Variants in ECSIT observed in about 807,000 individuals in gnomAD.
The protein encoded by ECSIT is evolutionarily conserved signaling intermediate in Toll pathway, mitochondrial.
Under a neutral mutation model 36.8 loss-of-function variants are expected in ECSIT, and 29 were observed. That is an observed-to-expected ratio of 0.79 (90% confidence interval 0.59 to 1.08). The LOEUF (loss-of-function observed/expected upper bound fraction) is 1.08. Among genes scored for constraint, ECSIT ranks in the 50% least tolerant of loss-of-function variants. ECSIT has a pLI of 0.00. For missense variants in ECSIT, 542 were observed against 581.0 expected, an observed-to-expected ratio of 0.93 and a Z score of 0.69; for synonymous variants, 231 against 234.8, an observed-to-expected ratio of 0.98 and a Z score of 0.15.
chr19:11,513,894 G>C lies in ECSIT; in HGVS notation c.424C>G (p.Arg142Gly), dbSNP rs140346109. 3 of 1,614,186 alleles carry C rather than the reference G, an allele frequency of 1.9e-6. No homozygotes were observed. The highest frequency in any genetic ancestry group is 4.5e-5 in the East Asian group (2 of 44,886). Reference protein sequence around the residue: ...LLNIFPKEVFRPRNIIQRIFV... With the variant: ...LLNIFPKEVFGPRNIIQRIFV... ...ATGCGCTGGATGATGTTGCGAGGCCGGAAGACCTCCTTGGGGAAGATGTTG... is the reference window on the plus strand; with the variant it reads ...ATGCGCTGGATGATGTTGCGAGGCCCGAAGACCTCCTTGGGGAAGATGTTG... Residue 142 changes from arginine to glycine, a missense_variant, in exon 3 of 8, where the codon CGG becomes GGG. Physicochemically the swap from Arg to Gly is moderately radical, Grantham distance 125. Transcript: ENST00000270517.
At chr19:11,523,317 TTA>T (rs1012643418) in intron 1 of ECSIT, 858 of 259,132 alleles carry the variant, frequency 3.3e-3, no homozygotes, top group East Asian at 5.0e-3. Context: ...GATTATAGTA[TTA>T]TATATATATA....
chr19:11,509,379 G>C (rs115594321), intron 4 of ECSIT, among the ~76,000 whole-genome samples: 157 of 145,184 alleles, frequency 1.1e-3, no homozygotes, highest in African/African-American at 3.7e-3. Flanking sequence ...CGCTGACAAA[G>C]TTTTTTTTTT....
In ECSIT at chr19:11,511,120, C is replaced by T. The variant is rs192314754; in HGVS notation, c.738+1936G>A. On this transcript the variant is annotated intron_variant, in intron 4 of 7. Coordinates refer to ENST00000270517, the MANE Select transcript of ECSIT (RefSeq NM_016581.5). ...TGCCCACTCGGCTCCCACAGCACCC[C>T]GGGCTTCTCCATCTCAGAACCACTG... 3.6e-3 allele frequency among the ~76,000 whole-genome samples: 544 copies of T among 152,242 alleles called. 4 individuals are homozygous for T. The highest frequency in any genetic ancestry group is 0.013 in the African/African-American group (523 of 41,524).
In ECSIT at chr19:11,513,095, G is replaced by A. The variant is rs1971905226; in HGVS notation, c.699C>T (p.His233=). 1.2e-6 allele frequency: 2 copies of A among 1,614,242 alleles called. No individual in the cohort carries two copies. The highest frequency in any genetic ancestry group is 1.7e-6 in the Non-Finnish European group (2 of 1,180,046). The change falls in exon 4 of 8, where the codon CAC becomes CAT. Residue 233 remains histidine (H), a synonymous_variant. Transcript: ENST00000270517. ...CCCTGGCACTAAGGTCAGGCTCCAT[G>A]TGCCGCAGGCCAAACATGGCCAGCT... ...PVELAMFGLR[H]MEPDLSARVT... is the part of the protein sequence containing the mutation.
intron 1 of ECSIT, among the ~76,000 whole-genome samples, chr19:11,524,108 C>T (rs1219997686): frequency 6.6e-6 from 1 of 151,930 alleles, no homozygotes; most frequent in Non-Finnish European, 1.5e-5. Flanking sequence ...TTTATAGAGG[C>T]TGGGTTTCCC....
chr19:11,506,142 C>T lies in ECSIT; in HGVS notation c.*42G>A, dbSNP rs779964824. The T allele has an allele frequency of 1.4e-5, 22 of 1,594,942 alleles. No homozygotes were observed. The Admixed American group carries it at 3.4e-4, about 24-fold the overall frequency. On this transcript the variant is annotated 3_prime_UTR_variant, in exon 8 of 8. Transcript: ENST00000270517. Reference sequence around the variant, plus strand: ...AGGGCATCTCATGCCTTCAGTCCACCGCCTCCTCGGGCCACAGCCCGTGCC... The same window carrying T: ...AGGGCATCTCATGCCTTCAGTCCACTGCCTCCTCGGGCCACAGCCCGTGCC...
At chr19:11,521,761 G>C (rs928040087) in intron 1 of ECSIT, among the ~76,000 whole-genome samples, 1 of 151,874 alleles carries the variant, frequency 6.6e-6, no homozygotes, top group African/African-American at 2.4e-5. Flanking sequence ...GGGCGAAAGA[G>C]GAAGACTCTG....
At chr19:11,521,702 G>A (rs1028334019) in intron 1 of ECSIT, among the ~76,000 whole-genome samples, 1 of 152,126 alleles carries the variant, frequency 6.6e-6, no homozygotes, top group Non-Finnish European at 1.5e-5. Flanking sequence ...CTTGAACCCA[G>A]GAGGCAGAAG....
chr19:11,521,398 G>A (rs1008903626), intron 1 of ECSIT, among the ~76,000 whole-genome samples: 3 of 151,396 alleles, frequency 2.0e-5, no homozygotes, highest in Non-Finnish European at 4.4e-5. Flanking sequence ...CATCGGCAAC[G>A]TACAGTTGAC....
At chr19:11,509,894 A>C in intron 4 of ECSIT, among the ~76,000 whole-genome samples, 1 of 149,520 alleles carries the variant, frequency 6.7e-6, no homozygotes, top group East Asian at 2.0e-4. Context: ...TTTGAGATGG[A>C]GTTTCGCTCT....
chr19:11,506,022 C>G lies in ECSIT; in HGVS notation c.*162G>C. On this transcript the variant is annotated 3_prime_UTR_variant, in exon 8 of 8. Coordinates refer to ENST00000270517, the MANE Select transcript of ECSIT (RefSeq NM_016581.5). The stretch of plus-strand genomic sequence containing the variant: ...CTGGAGGGGTCTCGCCTGCCCATCG[C>G]TGGCAGCCCGAGATCCTGGGGAGGG... 5.5e-6 allele frequency: 7 copies of G among 1,268,690 alleles called. No individual in the cohort carries two copies. Among genetic ancestry groups the G allele is most frequent in the Non-Finnish European group, 7.6e-6 (7 of 924,740 alleles). The allele number at this position is 1,268,690 out of a possible 1,614,324, so 78.6% of individuals were successfully genotyped here.
intron 1 of ECSIT, among the ~76,000 whole-genome samples, chr19:11,526,878 C>A (rs991718019): frequency 5.3e-5 from 8 of 152,130 alleles, no homozygotes; most frequent in African/African-American, 1.9e-4. Flanking sequence ...TGCCACCACA[C>A]CCAGCTAATT....
chr19:11,507,748 A>G lies in ECSIT; in HGVS notation c.899T>C (p.Val300Ala). ...GTCAGCTCTGAGGATGTGGTAATAC[A>G]CACACTTGTTGCGGAGCCACAGGGA... ...PFSLWLRNKC[V>A]YYHILRADLL... Residue 300 changes from valine to alanine, a missense_variant, in exon 6 of 8, where the codon GTG becomes GCG. Transcript: ENST00000270517. 1 of 1,614,006 alleles carries G rather than the reference A, an allele frequency of 6.2e-7. No homozygotes were observed. Among genetic ancestry groups the G allele is most frequent in the Non-Finnish European group, 8.5e-7 (1 of 1,180,018 alleles).
At chr19:11,523,437 T>C (rs1417734850) in intron 1 of ECSIT, 6 of 751,416 alleles carry the variant, frequency 8.0e-6, no homozygotes, top group Non-Finnish European at 1.3e-5. Context: ...CCCACTGCCA[T>C]GGCCGAGGGA....
chr19:11,507,922 G>A, intron 5 of ECSIT, 69 bp downstream of exon 5: 1 of 1,613,976 alleles, frequency 6.2e-7, no homozygotes, highest in Non-Finnish European at 8.5e-7. Context: ...CCCAGCCTAG[G>A]CCCAGCGAGA....
intron 2 of ECSIT, among the ~76,000 whole-genome samples, chr19:11,515,037 T>A (rs1034966804): frequency 6.7e-6 from 1 of 149,788 alleles, no homozygotes; most frequent in African/African-American, 2.5e-5. Context: ...TGGGGTTTCA[T>A]CATGTTGGCC....
Position 11,507,469 on chromosome 19 carries a change from C to T in ECSIT, c.1039G>A (p.Asp347Asn). ...VRSGWDNYEF[D>N]INEVEEGPVF... ...GCCCAGTTTTTACCTTCATTGATGT[C>T]AAACTCGTAGTTGTCCCAGCCACTC... The change falls in exon 7 of 8, where the codon GAC becomes AAC. Residue 347 changes from aspartate to asparagine, a missense_variant. Asp to Asn is a conservative substitution (Grantham distance 23, BLOSUM62 1). Coordinates refer to ENST00000270517, the MANE Select transcript of ECSIT (RefSeq NM_016581.5). 2 of 1,613,952 alleles carry T rather than the reference C, an allele frequency of 1.2e-6. No homozygotes were observed. Among genetic ancestry groups the T allele is most frequent in the Non-Finnish European group, 1.7e-6 (2 of 1,179,960 alleles).
chr19:11,521,633 A>T (rs897438782), intron 1 of ECSIT, among the ~76,000 whole-genome samples: 28 of 152,062 alleles, frequency 1.8e-4, no homozygotes, highest in African/African-American at 6.5e-4. Flanking sequence ...AAAATTAGCC[A>T]GGCTGGGGGC....
Position 11,523,030 on chromosome 19 carries a change from C to A in ECSIT, c.-23-3837G>T, listed in dbSNP as rs568387492. Among the ~76,000 whole-genome samples, 389 of 152,182 alleles carry A rather than the reference C, an allele frequency of 2.6e-3. 2 individuals carry two copies. The highest frequency in any genetic ancestry group is 4.3e-3 in the Non-Finnish European group (293 of 68,016). On this transcript the variant is annotated intron_variant, in intron 1 of 7. Coordinates refer to ENST00000270517, the MANE Select transcript of ECSIT (RefSeq NM_016581.5). ...AGCTTGCAGTGAGCTGAGATCCCACCACTGCACTCCAGCCTGGGTGACAGA... is the reference window on the plus strand; with the variant it reads ...AGCTTGCAGTGAGCTGAGATCCCACAACTGCACTCCAGCCTGGGTGACAGA...
Sources: gnomAD v4.1 joint callset for allele counts (sites outside exome capture counted in the v4.1 genomes callset) on GRCh38, gnomAD v4.1.1 for gene constraint, MANE v1.5 for transcripts, NCBI Gene and HGNC (gene_info 2026-07-23, HGNC 2026-07-21) for gene names.